SPINK13: variants seen among roughly 807,000 people sequenced by gnomAD.
SPINK13 encodes serine protease inhibitor Kazal-type 13.
In SPINK13, 11 loss-of-function variants were observed where a neutral mutation model predicts 11.0. The observed-to-expected ratio is 1.00, with a 90% confidence interval of 0.63 to 1.65. The LOEUF (loss-of-function observed/expected upper bound fraction) is 1.65, where lower values mean the gene tolerates loss of function less well. Ranked by LOEUF, SPINK13 falls within the 40% of genes most tolerant of loss-of-function variation. The pLI, the probability that SPINK13 is intolerant of heterozygous loss-of-function variation, is 0.00. For missense variants in SPINK13, 113 were observed against 117.7 expected (o/e 0.96, Z 0.19); for synonymous variants, 31 against 35.6 (o/e 0.87, Z 0.46).
intron 4 of SPINK13, among the ~76,000 whole-genome samples, chr5:148,283,815 T>G (rs1756552151): frequency 6.6e-6 from 1 of 152,198 alleles, no homozygotes; most frequent in South Asian, 2.1e-4. Context: ...CTGTGGTGTT[T>G]GTACACACAC....
intron 3 of SPINK13, among the ~76,000 whole-genome samples, chr5:148,275,351 A>G (rs1368391052): frequency 1.3e-5 from 2 of 152,162 alleles, no homozygotes; most frequent in Admixed American, 6.5e-5. Context: ...TCCATGGTAT[A>G]TATGTGCCAC....
intron 4 of SPINK13, among the ~76,000 whole-genome samples, chr5:148,284,375 T>G (rs1756561588): frequency 1.3e-5 from 2 of 152,052 alleles, no homozygotes; most frequent in African/African-American, 4.8e-5. Flanking sequence ...CTCTGAGAGA[T>G]GTACTGTGAC....
At chr5:148,282,252 C>CA in intron 4 of SPINK13, 21 bp downstream of exon 4, 3 of 1,612,410 alleles carry the variant, frequency 1.9e-6, no homozygotes, top group Non-Finnish European at 2.5e-6. Flanking sequence ...AATAAAATGC[C>CA]ATTATTTTTT....
intron 4 of SPINK13, among the ~76,000 whole-genome samples, chr5:148,283,715 G>A (rs1242323012): frequency 5.3e-5 from 8 of 151,986 alleles, no homozygotes; most frequent in East Asian, 1.9e-4. Flanking sequence ...TTCCTAATGC[G>A]GTTACTGTTG....
chr5:148,284,755 G>T (rs1756567016), intron 4 of SPINK13, among the ~76,000 whole-genome samples: 1 of 152,098 alleles, frequency 6.6e-6, no homozygotes, highest in African/African-American at 2.4e-5. Context: ...AGAGATATCT[G>T]CCACTTGTGA....
chr5:148,281,295 T>G (rs1417180516), intron 3 of SPINK13, among the ~76,000 whole-genome samples: 4 of 152,096 alleles, frequency 2.6e-5, no homozygotes, highest in Non-Finnish European at 5.9e-5. Flanking sequence ...GAGTGAACAG[T>G]TCTGTCTCCC....
intron 2 of SPINK13, among the ~76,000 whole-genome samples, chr5:148,271,965 T>C (rs1756358356): frequency 6.6e-6 from 1 of 152,214 alleles, no homozygotes; most frequent in South Asian, 2.1e-4. Context: ...GAAGAGAATA[T>C]TTTCATCTTT....
At chr5:148,277,540 G>A (rs183414244) in intron 3 of SPINK13, among the ~76,000 whole-genome samples, 14 of 152,284 alleles carry the variant, frequency 9.2e-5, no homozygotes, top group Admixed American at 7.2e-4. Context: ...ATAATCAAGT[G>A]CTTTTTGTCA....
intron 4 of SPINK13, 52 bp from the exon 5 acceptor site, chr5:148,285,948 C>G: frequency 9.3e-7 from 1 of 1,080,624 alleles, no homozygotes; most frequent in Non-Finnish European, 1.3e-6. Flanking sequence ...CATTCAATAC[C>G]AATGTTCACT....
intron 3 of SPINK13, among the ~76,000 whole-genome samples, chr5:148,275,198 T>C (rs1436554771): frequency 6.6e-6 from 1 of 152,182 alleles, no homozygotes; most frequent in Non-Finnish European, 1.5e-5. Context: ...TGTGTTCTCA[T>C]TGTTCAACTC....
At chr5:148,280,084 T>C (rs1756490453) in intron 3 of SPINK13, among the ~76,000 whole-genome samples, 1 of 152,166 alleles carries the variant, frequency 6.6e-6, no homozygotes, top group Non-Finnish European at 1.5e-5. Context: ...TGGCTATTGA[T>C]ACTCGTGTAT....
rs573708432 is a variant in SPINK13 at position 148,276,329 on chromosome 5, T to C, written c.108+1945T>C. Among the ~76,000 whole-genome samples the C allele has an allele frequency of 1.3e-4, 20 of 152,356 alleles. No homozygotes were observed. In the South Asian group the frequency reaches 4.1e-3, roughly 32 times the overall value. On this transcript the variant is annotated intron_variant, in intron 3 of 4. Coordinates refer to ENST00000398450, the MANE Select transcript of SPINK13 (RefSeq NM_001040129.3). ...TCCCATTTGTCAATTTTGGCTTCTG[T>C]TGCCAATTGCTTTTGGTGTTTTTTA...
intron 3 of SPINK13, among the ~76,000 whole-genome samples, chr5:148,279,646 T>A (rs954109170): frequency 6.6e-6 from 1 of 152,220 alleles, no homozygotes; most frequent in Non-Finnish European, 1.5e-5. Flanking sequence ...TGCAGAGAGA[T>A]CCACTGTTAG....
intron 2 of SPINK13, among the ~76,000 whole-genome samples, chr5:148,271,471 T>C (rs1756349082): frequency 1.3e-5 from 2 of 152,194 alleles, no homozygotes; most frequent in Admixed American, 6.5e-5. Context: ...TTTAAATTTA[T>C]TTTTTCCCAA....
chr5:148,273,708 C>G (rs1029382447), intron 2 of SPINK13, among the ~76,000 whole-genome samples: 1 of 152,140 alleles, frequency 6.6e-6, no homozygotes, highest in Admixed American at 6.5e-5. Context: ...AAAATTCTAA[C>G]TTTTGGAAAG....
chr5:148,286,024 T>A lies in SPINK13; in HGVS notation c.261T>A (p.Phe87Leu). The change falls in exon 5 of 5, where the codon TTT (phenylalanine) becomes TTA (leucine). Residue 87 changes from phenylalanine to leucine, a missense_variant. By Grantham distance (22) the Phe-to-Leu change is conservative. Transcript: ENST00000398450. ...GGGAATTTCATTATCGTATAAAATT[T>A]GAAAAATATGGAAAATGTGATTAAT... ...EQREFHYRIK[F>L]EKYGKCD 1 of 1,467,858 alleles carries A rather than the reference T, an allele frequency of 6.8e-7. No individual in the cohort carries two copies. The highest frequency in any genetic ancestry group is 9.3e-7 in the Non-Finnish European group (1 of 1,072,646). 90.9% of individuals were successfully genotyped at this position (1,467,858 alleles called of 1,614,324 possible). A position where few individuals can be genotyped will look rare whatever the true frequency, so the allele number is the denominator to read the frequency against.
intron 4 of SPINK13, among the ~76,000 whole-genome samples, chr5:148,283,644 C>T (rs1243293182): frequency 1.3e-5 from 2 of 152,162 alleles, no homozygotes; most frequent in African/African-American, 4.8e-5. Context: ...CTCTACTGTT[C>T]TCATTAAAAG....
chr5:148,282,256 A>AT (rs1188251781), intron 4 of SPINK13, 25 bp downstream of exon 4: 2 of 1,611,938 alleles, frequency 1.2e-6, no homozygotes, highest in Non-Finnish European at 1.7e-6. Context: ...AAATGCCATT[A>AT]TTTTTTCCCT....
chr5:148,270,851 G>A (rs2113361394), intron 2 of SPINK13: 1 of 152,406 alleles, frequency 6.6e-6, no homozygotes, highest in South Asian at 2.1e-4. Flanking sequence ...GCAGAAGTTA[G>A]AATGGTGCAG....
Sources: allele counts gnomAD v4.1 joint callset (sites outside exome capture counted in the v4.1 genomes callset), GRCh38; gene constraint gnomAD v4.1.1; transcripts MANE v1.5; gene names NCBI Gene and HGNC (gene_info 2026-07-23, HGNC 2026-07-21).